Variants in DYNC1H1 observed in about 807,000 individuals in gnomAD.
DYNC1H1 encodes cytoplasmic dynein 1 heavy chain 1.
A neutral mutation model predicts 527.1 loss-of-function variants in DYNC1H1; 51 were observed. The observed-to-expected ratio is 0.10, with a 90% CI of 0.08 to 0.12. DYNC1H1 has a LOEUF of 0.12. DYNC1H1 is among the 10% of genes least tolerant of loss of function. The pLI, the probability that DYNC1H1 is intolerant of heterozygous loss-of-function variation, is 1.00. For synonymous variants in DYNC1H1, 2,189 were observed against 2,278.8 expected (o/e 0.96, Z 1.12); for missense variants, 2,771 against 5,971.8 (o/e 0.46, Z 17.66).
intron 1 of DYNC1H1, among the ~76,000 whole-genome samples, chr14:101,974,913 C>T (rs1350808669): frequency 1.3e-5 from 2 of 152,202 alleles, no homozygotes; most frequent in African/African-American, 4.8e-5. Context: ...CAAGAGCTCA[C>T]AGCCGGGGAG....
In DYNC1H1 at chr14:102,015,647, C is replaced by T. The variant is rs2048311443; in HGVS notation, c.7243-209C>T. Among the ~76,000 whole-genome samples, 1 of 152,142 alleles carries T rather than the reference C, an allele frequency of 6.6e-6. No homozygotes were observed. The highest frequency in any genetic ancestry group is 1.5e-5 in the Non-Finnish European group (1 of 68,026). On this transcript the variant is annotated intron_variant, in intron 35 of 77. Coordinates refer to ENST00000360184, the MANE Select transcript of DYNC1H1 (RefSeq NM_001376.5). The surrounding 1 kb of genome is among the most constrained non-coding windows in gnomAD (Gnocchi z 6.9). ...TCTCTACAAATTGATGAAAGACTGC[C>T]CTTTTCCATGTTCAGTGGGAAAACC...
At position 101,964,835 on chromosome 14, in the gene DYNC1H1, G is replaced by T; in HGVS notation, c.144G>T (p.Ala48=). The change falls in exon 1 of 78, where the codon GCG becomes GCT. Residue 48 remains alanine (A), a synonymous_variant. Transcript: ENST00000360184. This position sits in a 1 kb window ranked among gnomAD's most constrained non-coding sequence, Gnocchi z 5.5. The part of the protein sequence containing the change: ...VPLLLEDGGE[A]PAALEAALEE... ...TGCTGCTGGAGGACGGCGGCGAGGC[G>T]CCGGCCGCGCTGGAGGCGGCGCTGG... 6.3e-7 allele frequency: 1 copy of T among 1,599,970 alleles called. No individual in the cohort carries two copies. Among genetic ancestry groups the T allele is most frequent in the Non-Finnish European group, 8.5e-7 (1 of 1,174,334 alleles).
rs767416035 is a variant in DYNC1H1 at position 102,012,354 on chromosome 14, TG to T, written c.6900del (p.Trp2300Ter). ...GAGAGGCGAGCTGCAGAAGCGCCAG[TG>T]GATCGTCTTCGATGGCGATGTGGAT... ...SVRGELQKRQWIVFDGDVDPE... is the reference protein window; with the variant it reads ...SVRGELQKRQXIVFDGDVDPE... On this transcript the variant is annotated frameshift_variant, in exon 34 of 78. Coordinates refer to ENST00000360184, the MANE Select transcript of DYNC1H1 (RefSeq NM_001376.5). LOFTEE classifies it high-confidence loss of function. This position sits in a 1 kb window ranked among gnomAD's most constrained non-coding sequence, Gnocchi z 4.9. 6.2e-7 allele frequency: 1 copy of T among 1,614,136 alleles called. No individual in the cohort carries two copies. The highest frequency in any genetic ancestry group is 1.3e-5 in the African/African-American group (1 of 74,950).
chr14:101,992,339 C>T (rs968195032), intron 11 of DYNC1H1, among the ~76,000 whole-genome samples: 4 of 152,282 alleles, frequency 2.6e-5, no homozygotes, highest in Middle Eastern at 3.4e-3. Flanking sequence ...TGGCTAAAAT[C>T]GTGGTGATGT....
At position 102,036,259 on chromosome 14, in the gene DYNC1H1, T is replaced by C. The variant is rs2048574111; in HGVS notation, c.10755-230T>C. ...AGATTTTTAACTATGGCCCTCTTGG[T>C]GTATGACTCAAGCTACCTCCTCATG... On this transcript the variant is annotated intron_variant, in intron 56 of 77. Coordinates refer to ENST00000360184, the MANE Select transcript of DYNC1H1 (RefSeq NM_001376.5). The surrounding 1 kb of genome is among the most constrained non-coding windows in gnomAD (Gnocchi z 5.6). The C allele has an allele frequency of 1.9e-6, 1 of 517,030 alleles. No homozygotes were observed. The highest frequency in any genetic ancestry group is 2.0e-5 in the South Asian group (1 of 50,824). 32.0% of individuals were successfully genotyped at this position (517,030 alleles called of 1,614,324 possible).
intron 2 of DYNC1H1, among the ~76,000 whole-genome samples, chr14:101,976,473 C>G (rs2047802183): frequency 6.6e-6 from 1 of 150,928 alleles, no homozygotes; most frequent in African/African-American, 2.4e-5. Context: ...ACCCGGGAGG[C>G]AGAGGTTGCA....
At chr14:101,995,407 C>A in intron 15 of DYNC1H1, 107 bp downstream of exon 15, 1 of 1,360,072 alleles carries the variant, frequency 7.4e-7, no homozygotes, top group Non-Finnish European at 1.0e-6. Flanking sequence ...GTCAGGAGAT[C>A]GAGACCATCC....
chr14:102,043,103 G>A (rs1219098965), intron 69 of DYNC1H1: 2 of 351,936 alleles, frequency 5.7e-6, no homozygotes, highest in East Asian at 1.5e-4. Context: ...CCAACATGGT[G>A]AAACTCCGTC....
At chr14:101,999,946 T>G (rs370893904) in intron 16 of DYNC1H1, 43 bp from the exon 17 acceptor site, 33 of 1,613,782 alleles carry the variant, frequency 2.0e-5, no homozygotes, top group Non-Finnish European at 2.7e-5. Flanking sequence ...TCATCTCTCC[T>G]GAGACATTGT....
In DYNC1H1 at chr14:102,018,535, C is replaced by T. The variant is rs758178917; in HGVS notation, c.8262C>T (p.Ala2754=). Residue 2754 remains alanine (A), a synonymous_variant, in exon 41 of 78, where the codon GCC becomes GCT. Coordinates refer to ENST00000360184, the MANE Select transcript of DYNC1H1 (RefSeq NM_001376.5). The surrounding 1 kb of genome is among the most constrained non-coding windows in gnomAD (Gnocchi z 5.2). ...AGATCTACGGCACCTTCAACCGCGC[C>T]ATGCTGAGGCTCATTCCATCCCTGC... ...LTQIYGTFNR[A]MLRLIPSLRT... is the part of the protein sequence containing the mutation. 14 of 1,614,012 alleles carry T rather than the reference C, an allele frequency of 8.7e-6. No individual in the cohort carries two copies. Among genetic ancestry groups the T allele is most frequent in the Non-Finnish European group, 1.0e-5 (12 of 1,180,050 alleles).
rs776608238 is a variant in DYNC1H1 at position 102,039,287 on chromosome 14, C to G, written c.11460+33C>G. ...CCTTGGCCATGCAGAGACTGGCGGG[C>G]CCCGCACAGTAGCTCCTTGGCCGCA... On this transcript the variant is annotated intron_variant, in intron 60 of 77. Coordinates refer to ENST00000360184, the MANE Select transcript of DYNC1H1 (RefSeq NM_001376.5). The surrounding 1 kb of genome is among the most constrained non-coding windows in gnomAD (Gnocchi z 7.0). 2.5e-5 allele frequency: 40 copies of G among 1,610,504 alleles called. No homozygotes were observed. The highest frequency in any genetic ancestry group is 5.9e-6 in the Non-Finnish European group (7 of 1,179,980).
Position 102,046,445 on chromosome 14 carries a change from G to A in DYNC1H1, c.13007-1372G>A, listed in dbSNP as rs983483892. Among the ~76,000 whole-genome samples, 57 of 151,334 alleles carry A rather than the reference G, an allele frequency of 3.8e-4. 1 individual carries two copies. Among genetic ancestry groups the A allele is most frequent in the Non-Finnish European group, 3.1e-4 (21 of 67,868 alleles). ...GCCAGGCGAGCTGGGCGGGTCTGGA[G>A]GGAAAGCCAAAGCCAGGCGAGCTGG... is the stretch of plus-strand genomic sequence containing the variant. On this transcript the variant is annotated intron_variant, in intron 72 of 77. Transcript: ENST00000360184.
At position 102,004,917 on chromosome 14, in the gene DYNC1H1, A is replaced by G; in HGVS notation, c.5205A>G (p.Pro1735=). 1 of 1,614,238 alleles carries G rather than the reference A, an allele frequency of 6.2e-7. No individual in the cohort carries two copies. Among genetic ancestry groups the G allele is most frequent in the Non-Finnish European group, 8.5e-7 (1 of 1,180,048 alleles). ...EIFGKATSID[P]NTYITWIDKY... ...TTGGTAAAGCAACTTCAATTGACCC[A>G]AATACCTACATCACTTGGATTGATA... is the stretch of plus-strand genomic sequence containing the variant. The change falls in exon 25 of 78, where the codon CCA becomes CCG. Residue 1735 remains proline (P), a synonymous_variant. Coordinates refer to ENST00000360184, the MANE Select transcript of DYNC1H1 (RefSeq NM_001376.5).
In DYNC1H1 at chr14:102,041,051, C is replaced by G. The variant is rs554292520; in HGVS notation, c.11941+378C>G. 4.7e-5 allele frequency: 17 copies of G among 360,302 alleles called. No individual in the cohort carries two copies. Among genetic ancestry groups the G allele is most frequent in the African/African-American group, 3.1e-4 (15 of 47,840 alleles). The allele number at this position is 360,302 out of a possible 1,614,324, so 22.3% of individuals were successfully genotyped here. A position where few individuals can be genotyped will look rare whatever the true frequency, so the allele number is the denominator to read the frequency against. On this transcript the variant is annotated intron_variant, in intron 64 of 77. Transcript: ENST00000360184. The surrounding 1 kb of genome is among the most constrained non-coding windows in gnomAD (Gnocchi z 4.5). ...GAGATCGCTTCTAGGTAGGTGTTGG[C>G]TTAGAAGTAAATCAGAAATTTCCAA...
At chr14:101,978,091 G>T (rs548862998) in intron 2 of DYNC1H1, among the ~76,000 whole-genome samples, 1 of 152,174 alleles carries the variant, frequency 6.6e-6, no homozygotes, top group African/African-American at 2.4e-5. Flanking sequence ...GTCTCGCTCT[G>T]TCGCCCAGTC....
At chr14:101,999,342 A>C (rs1171109273) in intron 16 of DYNC1H1, among the ~76,000 whole-genome samples, 2 of 151,956 alleles carry the variant, frequency 1.3e-5, no homozygotes, top group Non-Finnish European at 2.9e-5. Flanking sequence ...TTTAGTAGAG[A>C]TGAAGTCCCA....
At chr14:102,026,481 A>G in intron 43 of DYNC1H1, 93 bp from the exon 44 acceptor site, 2 of 1,374,378 alleles carry the variant, frequency 1.5e-6, no homozygotes, top group East Asian at 2.3e-5. Flanking sequence ...CATTTTTAAC[A>G]GTTTCTTCAT....
chr14:101,984,870 T>C (rs2047915109), intron 7 of DYNC1H1, among the ~76,000 whole-genome samples: 1 of 145,418 alleles, frequency 6.9e-6, no homozygotes, highest in Non-Finnish European at 1.5e-5. Context: ...GAGACGGAGC[T>C]TGCAGTGAGC....
At chr14:101,970,482 T>C (rs1280245142) in intron 1 of DYNC1H1, among the ~76,000 whole-genome samples, 1 of 122,394 alleles carries the variant, frequency 8.2e-6, no homozygotes, top group Non-Finnish European at 1.7e-5. Flanking sequence ...TGTTTTTTTT[T>C]TTTTTTTTTT....
Sources: allele counts gnomAD v4.1 joint callset (sites outside exome capture counted in the v4.1 genomes callset), GRCh38; gene constraint gnomAD v4.1.1; non-coding constraint Gnocchi (gnomAD v3.1); transcripts MANE v1.5; gene names NCBI Gene and HGNC (gene_info 2026-07-23, HGNC 2026-07-21).